The following CTNNA2 variants were observed in gnomAD, a reference collection of about 807,000 sequenced individuals.
CTNNA2 encodes catenin alpha 2.
A neutral mutation model predicts 101.0 loss-of-function variants in CTNNA2; 42 were observed. The observed-to-expected ratio is 0.42, with a 90% confidence interval of 0.32 to 0.54. The LOEUF is 0.54. CTNNA2 is among the 20% of genes least tolerant of loss of function. The probability of loss-of-function intolerance (pLI) is 0.14; values close to 1 mark genes in which losing one functional copy is unlikely to be tolerated. For missense variants in CTNNA2, 871 were observed against 1,223.1 expected, an observed-to-expected ratio of 0.71 and a Z score of 4.29; for synonymous variants, 450 against 456.4, an observed-to-expected ratio of 0.99 and a Z score of 0.18.
chr2:79,268,378 C>A (rs1675014783), intron 2 of CTNNA2, among the ~76,000 whole-genome samples: 1 of 152,110 alleles, frequency 6.6e-6, no homozygotes, highest in South Asian at 2.1e-4. Flanking sequence ...ATGGAGAAGG[C>A]ATGGAAGCTC....
chr2:80,337,394 TA>T lies in CTNNA2; in HGVS notation c.1057-55806del, dbSNP rs372178967. ...CAAACAAACAAAAAAGTAAACGGGA[TA>T]AAAAAAAAAAGTCACAAGCTCTTTT... On this transcript the variant is annotated intron_variant, in intron 7 of 18. Coordinates refer to ENST00000402739, the MANE Select transcript of CTNNA2 (RefSeq NM_001282597.3). Among the ~76,000 whole-genome samples the T allele has an allele frequency of 4.3e-3, 613 of 142,652 alleles. 3 individuals carry two copies. Among genetic ancestry groups the T allele is most frequent in the African/African-American group, 0.012 (471 of 38,964 alleles). The allele number at this position is 142,652 out of a possible 152,430, so 93.6% of individuals were successfully genotyped here. A position where few individuals can be genotyped will look rare whatever the true frequency, so the allele number is the denominator to read the frequency against.
In CTNNA2 at chr2:80,171,426, C is replaced by G. The variant is rs528793974; in HGVS notation, c.1057-221785C>G. On this transcript the variant is annotated intron_variant, in intron 7 of 18. Transcript: ENST00000402739. ...AGAATTGGAGATGGACAGCAAGGTTCTATAAAAGTAAACATTGTGGACAGT... is the reference window on the plus strand; with the variant it reads ...AGAATTGGAGATGGACAGCAAGGTTGTATAAAAGTAAACATTGTGGACAGT... Among the ~76,000 whole-genome samples the G allele has an allele frequency of 4.6e-5, 7 of 152,312 alleles. No homozygotes were observed. The South Asian group carries it at 8.3e-4, about 18-fold the overall frequency.
intron 7 of CTNNA2, among the ~76,000 whole-genome samples, chr2:80,244,836 G>A (rs1671201821): frequency 6.6e-6 from 1 of 152,142 alleles, no homozygotes; most frequent in East Asian, 1.9e-4. Flanking sequence ...GAGAAATATT[G>A]TGAGTTTCTG....
intron 4 of CTNNA2, among the ~76,000 whole-genome samples, chr2:79,445,296 T>C (rs1678820559): frequency 6.6e-6 from 1 of 152,158 alleles, no homozygotes; most frequent in Admixed American, 6.6e-5. Flanking sequence ...ATTTTCAAGA[T>C]GCATTGTCTT....
intron 7 of CTNNA2, among the ~76,000 whole-genome samples, chr2:80,093,970 A>T (rs1573053465): frequency 6.6e-6 from 1 of 151,910 alleles, no homozygotes; most frequent in South Asian, 2.1e-4. Flanking sequence ...GTTCACTCTG[A>T]TGGTAGTTTC....
chr2:80,299,891 G>T (rs1676086830), intron 7 of CTNNA2, among the ~76,000 whole-genome samples: 1 of 152,148 alleles, frequency 6.6e-6, no homozygotes, highest in African/African-American at 2.4e-5. Flanking sequence ...TTGGGCGCTG[G>T]ATTCCTGTAG....
At chr2:79,629,227 A>T (rs1222854766) in intron 1 of CTNNA2, among the ~76,000 whole-genome samples, 2 of 151,446 alleles carry the variant, frequency 1.3e-5, no homozygotes, top group East Asian at 3.9e-4. Context: ...AAGTTAAAAG[A>T]TATGAAAATA....
At chr2:80,557,349 T>C (rs1693133342) in intron 12 of CTNNA2, among the ~76,000 whole-genome samples, 1 of 152,042 alleles carries the variant, frequency 6.6e-6, no homozygotes, top group Non-Finnish European at 1.5e-5. Context: ...TATAAAAAGG[T>C]ATTTTTTTCC....
chr2:80,397,599 C>T (rs1228508713), intron 8 of CTNNA2, among the ~76,000 whole-genome samples: 4 of 152,120 alleles, frequency 2.6e-5, no homozygotes, highest in African/African-American at 7.2e-5. Flanking sequence ...TGCCTGCCGC[C>T]GTGTATGATG....
chr2:80,578,662 T>TG (rs1250591925), intron 13 of CTNNA2, among the ~76,000 whole-genome samples: 1 of 152,182 alleles, frequency 6.6e-6, no homozygotes. Flanking sequence ...TCTATTTGCC[T>TG]GGTGGTATTT....
At chr2:79,902,539 T>G (rs894511177) in intron 6 of CTNNA2, among the ~76,000 whole-genome samples, 3 of 152,126 alleles carry the variant, frequency 2.0e-5, no homozygotes, top group Non-Finnish European at 4.4e-5. Context: ...ACCAGACTTC[T>G]CCAGTTAAAG....
At chr2:80,148,922 T>A (rs1573226245) in intron 7 of CTNNA2, among the ~76,000 whole-genome samples, 1 of 152,150 alleles carries the variant, frequency 6.6e-6, no homozygotes, top group Middle Eastern at 3.4e-3. Context: ...GATGGAAATC[T>A]CTTTCACCTG....
chr2:79,417,014 T>C (rs10520239), intron 4 of CTNNA2, among the ~76,000 whole-genome samples: 45,373 of 152,004 alleles, frequency 0.3, 6,913 homozygotes, highest in South Asian at 0.44. Context: ...TGGAACTCTG[T>C]GGCCCAAACT....
chr2:80,003,308 A>G (rs1693092889), intron 7 of CTNNA2, among the ~76,000 whole-genome samples: 4 of 151,900 alleles, frequency 2.6e-5, no homozygotes. Context: ...TCTACCTTTC[A>G]TTGATTCTGT....
At chr2:80,613,403 A>T (rs1361704967) in intron 17 of CTNNA2, among the ~76,000 whole-genome samples, 1 of 151,428 alleles carries the variant, frequency 6.6e-6, no homozygotes, top group Non-Finnish European at 1.5e-5. Context: ...TTTTTGGAAG[A>T]AATGGGAAGT....
chr2:80,245,794 C>CTTTTTTTTTTTTTTTTTTTTTTTTTT, intron 7 of CTNNA2, among the ~76,000 whole-genome samples: 1 of 58,912 alleles, frequency 1.7e-5, no homozygotes, highest in Non-Finnish European at 2.9e-5. Flanking sequence ...TATGATTTAA[C>CTTTTTTTTTTTTTTTTTTTTTTTTTT]TTTTTTTTTT....
At chr2:80,385,152 CT>C (rs551096184) in intron 7 of CTNNA2, among the ~76,000 whole-genome samples, 55 of 152,228 alleles carry the variant, frequency 3.6e-4, no homozygotes, top group African/African-American at 1.2e-3. Flanking sequence ...ATACTAAATG[CT>C]TGTGTCCCCT....
intron 9 of CTNNA2, among the ~76,000 whole-genome samples, chr2:80,460,958 TGACTCTACCGTTCCAG>T (rs1213486766): frequency 6.6e-6 from 1 of 152,212 alleles, no homozygotes; most frequent in Non-Finnish European, 1.5e-5. Flanking sequence ...CAGGCAATGT[TGACTCTACCGTTCCAG>T]GAACACAATT....
intron 15 of CTNNA2, among the ~76,000 whole-genome samples, chr2:80,596,245 G>A (rs572584888): frequency 3.1e-4 from 36 of 115,778 alleles, no homozygotes; most frequent in Non-Finnish European, 4.3e-4. Context: ...GTTGCTTATC[G>A]ACTTAAGGAG....
Sources: gnomAD v4.1 joint callset for allele counts (sites outside exome capture counted in the v4.1 genomes callset) on GRCh38, gnomAD v4.1.1 for gene constraint, MANE v1.5 for transcripts, NCBI Gene and HGNC (gene_info 2026-07-23, HGNC 2026-07-21) for gene names.